Variants in PTPRD observed in about 807,000 individuals in gnomAD.
PTPRD encodes receptor-type tyrosine-protein phosphatase delta.
Under a neutral mutation model 214.5 loss-of-function variants are expected in PTPRD, and 34 were observed. That is an observed-to-expected ratio of 0.16 (90% CI 0.12 to 0.21). The LOEUF is 0.21. Ranked by LOEUF, PTPRD falls within the 10% of genes least tolerant of loss-of-function variation. The pLI is 1.00. For synonymous variants in PTPRD, 1,128 were observed against 845.7 expected (o/e 1.33, Z -5.79); for missense variants, 2,545 against 2,398.7 (o/e 1.06, Z -1.27).
In PTPRD at chr9:10,367,078, A is replaced by AT. The variant is rs546062265; in HGVS notation, c.-599-26062dup. On this transcript the variant is annotated intron_variant, in intron 2 of 45. Transcript: ENST00000381196. ...CAAAAGAAAAAAGAAACAGACAAAC[A>AT]TAAAAAAAAAAAAAAAGGACCTGTG... Among the ~76,000 whole-genome samples the AT allele has an allele frequency of 1.4e-3, 176 of 129,316 alleles. 2 individuals carry two copies. The highest frequency in any genetic ancestry group is 1.6e-3 in the Non-Finnish European group (104 of 63,628). 84.8% of individuals were successfully genotyped at this position (129,316 alleles called of 152,430 possible). A position where few individuals can be genotyped will look rare whatever the true frequency, so the allele number is the denominator to read the frequency against.
At chr9:10,502,775 C>T (rs1747565153) in intron 2 of PTPRD, among the ~76,000 whole-genome samples, 1 of 151,876 alleles carries the variant, frequency 6.6e-6, no homozygotes, top group Admixed American at 6.6e-5. Flanking sequence ...ACCAGTTGAC[C>T]CATAAAATAT....
intron 5 of PTPRD, among the ~76,000 whole-genome samples, chr9:9,774,872 T>C (rs138104672): frequency 4.6e-5 from 7 of 152,356 alleles, no homozygotes; most frequent in African/African-American, 1.4e-4. Flanking sequence ...TTATGCATGA[T>C]AGTACCTCAT....
intron 2 of PTPRD, among the ~76,000 whole-genome samples, chr9:10,408,412 G>A (rs1952737458): frequency 6.6e-6 from 1 of 151,498 alleles, no homozygotes; most frequent in Admixed American, 6.6e-5. Flanking sequence ...TAATAAAAAA[G>A]CATCTTAAAT....
At position 8,699,155 on chromosome 9, in the gene PTPRD, G is replaced by A. The variant is rs3817199; in HGVS notation, c.64+34625C>T. ...TCCTTTGAGTAAATTTCTAACAAGT[G>A]ATGAAATTCCGATGAAGTGTATAAT... is the stretch of plus-strand genomic sequence containing the variant. On this transcript the variant is annotated intron_variant, in intron 12 of 45. Coordinates refer to ENST00000381196, the MANE Select transcript of PTPRD (RefSeq NM_002839.4). Among the ~76,000 whole-genome samples, 520 of 152,268 alleles carry A rather than the reference G, an allele frequency of 3.4e-3. 1 individual carries two copies. The highest frequency in any genetic ancestry group is 0.024 in the Middle Eastern group (7 of 294).
At chr9:9,295,133 G>A (rs1952562759) in intron 9 of PTPRD, among the ~76,000 whole-genome samples, 1 of 151,622 alleles carries the variant, frequency 6.6e-6, no homozygotes, top group African/African-American at 2.4e-5. Context: ...GGGTAATCAG[G>A]AAAATAAAAT....
At chr9:9,603,087 G>C (rs1047563935) in intron 7 of PTPRD, among the ~76,000 whole-genome samples, 7 of 152,112 alleles carry the variant, frequency 4.6e-5, no homozygotes, top group African/African-American at 1.7e-4. Flanking sequence ...TAATGATTAG[G>C]ATAAAATGCT....
intron 11 of PTPRD, among the ~76,000 whole-genome samples, chr9:8,949,629 T>C (rs938653498): frequency 6.6e-6 from 1 of 152,182 alleles, no homozygotes; most frequent in East Asian, 1.9e-4. Flanking sequence ...GGTCACCAAA[T>C]GCAAGAGGTT....
At chr9:9,799,658 T>G (rs1463887363) in intron 5 of PTPRD, 2 of 152,142 alleles carry the variant, frequency 1.3e-5, no homozygotes, top group Non-Finnish European at 2.9e-5. Context: ...CCGAACTGTC[T>G]CTTTACAAAC....
intron 9 of PTPRD, among the ~76,000 whole-genome samples, chr9:9,340,039 G>A (rs1399899538): frequency 6.6e-6 from 1 of 152,072 alleles, no homozygotes; most frequent in East Asian, 1.9e-4. Context: ...GAAGACATTA[G>A]CAATACAAAG....
At chr9:9,904,293 G>A (rs1035664661) in intron 5 of PTPRD, among the ~76,000 whole-genome samples, 5 of 152,008 alleles carry the variant, frequency 3.3e-5, no homozygotes, top group African/African-American at 1.2e-4. Context: ...GGTCACTTCT[G>A]TAAAATTATC....
chr9:10,154,161 C>T (rs1011202494), intron 3 of PTPRD, among the ~76,000 whole-genome samples: 1 of 152,102 alleles, frequency 6.6e-6, no homozygotes, highest in African/African-American at 2.4e-5. Flanking sequence ...TAACTATAGC[C>T]ATTCTGACTG....
chr9:10,142,333 A>T (rs79044980), intron 3 of PTPRD, among the ~76,000 whole-genome samples: 5 of 150,948 alleles, frequency 3.3e-5, no homozygotes, highest in Admixed American at 6.6e-5. Flanking sequence ...CAGAGTGAAC[A>T]GGCAACCCAC....
At chr9:8,713,247 T>C (rs143108781) in intron 12 of PTPRD, 12 of 631,398 alleles carry the variant, frequency 1.9e-5, no homozygotes, top group African/African-American at 1.3e-4. Context: ...GAGTCTCCAA[T>C]TGTCCACTTA....
intron 7 of PTPRD, among the ~76,000 whole-genome samples, chr9:9,689,275 G>A (rs1417856104): frequency 6.6e-6 from 1 of 151,622 alleles, no homozygotes; most frequent in Non-Finnish European, 1.5e-5. Context: ...GTGAAATATG[G>A]TAACATCTTC....
At chr9:10,307,196 A>G in intron 3 of PTPRD, among the ~76,000 whole-genome samples, 1 of 118,928 alleles carries the variant, frequency 8.4e-6, no homozygotes, top group African/African-American at 5.4e-5. Context: ...GTTTTTACCA[A>G]TTAAATAACC....
At chr9:9,271,322 C>A (rs891697069) in intron 9 of PTPRD, among the ~76,000 whole-genome samples, 1 of 149,846 alleles carries the variant, frequency 6.7e-6, no homozygotes, top group Non-Finnish European at 1.5e-5. Context: ...TCTCATCTTT[C>A]TGAACATGGT....
At chr9:9,762,213 G>T (rs1336307672) in intron 6 of PTPRD, among the ~76,000 whole-genome samples, 1 of 152,118 alleles carries the variant, frequency 6.6e-6, no homozygotes, top group South Asian at 2.1e-4. Context: ...AATGTTTGCA[G>T]CCAAAAAGCC....
intron 11 of PTPRD, among the ~76,000 whole-genome samples, chr9:9,005,272 A>C (rs1339325771): frequency 6.6e-6 from 1 of 152,052 alleles, no homozygotes; most frequent in South Asian, 2.1e-4. Context: ...ACTCCATCTG[A>C]GTGACAATTT....
intron 4 of PTPRD, among the ~76,000 whole-genome samples, chr9:10,007,279 T>A (rs1011356789): frequency 5.3e-5 from 8 of 151,910 alleles, no homozygotes; most frequent in African/African-American, 1.9e-4. Context: ...GAAAAATAGA[T>A]CAGAGGAAAA....
Sources: allele counts gnomAD v4.1 joint callset (sites outside exome capture counted in the v4.1 genomes callset), GRCh38; gene constraint gnomAD v4.1.1; transcripts MANE v1.5; gene names NCBI Gene and HGNC (gene_info 2026-07-23, HGNC 2026-07-21).